The following CHM variants were observed in gnomAD, a reference collection of about 807,000 sequenced individuals.
The protein encoded by CHM is CHM Rab escort protein, also known as rab proteins geranylgeranyltransferase component A 1.
In CHM, 10 loss-of-function variants were observed where a neutral mutation model predicts 49.0. That is an observed-to-expected ratio of 0.20 (90% CI 0.13 to 0.35). The LOEUF is 0.35. CHM is among the 10% of genes least tolerant of loss of function. The pLI is 1.00. For synonymous variants in CHM, 184 were observed against 167.5 expected, an observed-to-expected ratio of 1.10 and a Z score of -0.76; for missense variants, 455 against 478.4, an observed-to-expected ratio of 0.95 and a Z score of 0.46.
intron 9 of CHM, among the ~76,000 whole-genome samples, chrX:85,904,011 A>G (rs1049453904): frequency 1.8e-5 from 2 of 111,737 alleles, no homozygotes; most frequent in African/African-American, 3.3e-5. Context: ...ACTGTCATAT[A>G]TTCAGCATAA....
At chrX:85,892,474 T>G (rs1294949400) in intron 12 of CHM, among the ~76,000 whole-genome samples, 11 of 110,798 alleles carry the variant, frequency 9.9e-5, no homozygotes, top group African/African-American at 3.3e-4. Context: ...TTATCAGGGG[T>G]TTCCGCTTTT....
In CHM at chrX:85,927,932, A is replaced by G. The variant is rs1456561394; in HGVS notation, c.1167-16594T>C. ...ACCCACTAATAGCCGAACTTTTGACAGCACTATTCAAGATGATTTATGAGT... is the reference window on the plus strand; with the variant it reads ...ACCCACTAATAGCCGAACTTTTGACGGCACTATTCAAGATGATTTATGAGT... On this transcript the variant is annotated intron_variant, in intron 8 of 14. Coordinates refer to ENST00000357749, the MANE Select transcript of CHM (RefSeq NM_000390.4). Among the ~76,000 whole-genome samples the G allele has an allele frequency of 3.6e-5, 4 of 112,609 alleles. No individual in the cohort carries two copies. In the Admixed American group the frequency reaches 3.8e-4, roughly 11 times the overall value.
chrX:85,925,974 C>T (rs972708657), intron 8 of CHM, among the ~76,000 whole-genome samples: 2 of 111,094 alleles, frequency 1.8e-5, no homozygotes, highest in African/African-American at 6.5e-5. Context: ...TGCTTTTTCA[C>T]AGGGTCCTTG....
At chrX:85,999,736 A>C (rs1190629389) in intron 2 of CHM, among the ~76,000 whole-genome samples, 1 of 112,217 alleles carries the variant, frequency 8.9e-6, no homozygotes, top group East Asian at 2.8e-4. Context: ...GGCCTCTGAA[A>C]AAAACTAGAG....
At chrX:85,991,900 G>T (rs761281709) in intron 2 of CHM, among the ~76,000 whole-genome samples, 1 of 111,198 alleles carries the variant, frequency 9.0e-6, no homozygotes, top group Non-Finnish European at 1.9e-5. Flanking sequence ...ATTCTCACAA[G>T]AATCCAGAGA....
At chrX:85,974,826 A>G (rs1931161746) in intron 4 of CHM, among the ~76,000 whole-genome samples, 2 of 111,415 alleles carry the variant, frequency 1.8e-5, no homozygotes, top group African/African-American at 6.5e-5. Context: ...CAAAATAATA[A>G]TAATTGATAA....
intron 2 of CHM, among the ~76,000 whole-genome samples, chrX:85,996,973 C>A (rs898102773): frequency 2.7e-5 from 3 of 111,995 alleles, no homozygotes; most frequent in Non-Finnish European, 3.8e-5. Flanking sequence ...CCCTCAACAT[C>A]TGCCCTTTCC....
At chrX:85,934,920 A>G (rs890287414) in intron 8 of CHM, among the ~76,000 whole-genome samples, 1 of 112,043 alleles carries the variant, frequency 8.9e-6, no homozygotes, top group Admixed American at 9.4e-5. Flanking sequence ...TAAAATTGTT[A>G]TGAATGTTTT....
intron 2 of CHM, among the ~76,000 whole-genome samples, chrX:85,985,444 G>T (rs1036776806): frequency 8.9e-6 from 1 of 112,347 alleles, no homozygotes; most frequent in African/African-American, 3.2e-5. Flanking sequence ...GGAGGGGTGG[G>T]CCACCATCTT....
chrX:85,956,932 G>A (rs1026662640), intron 7 of CHM, among the ~76,000 whole-genome samples: 19 of 111,321 alleles, frequency 1.7e-4, no homozygotes, highest in African/African-American at 5.9e-4. Flanking sequence ...TTTAAACCAA[G>A]AACAGAATAT....
Position 86,030,471 on chromosome X carries a change from C to T in CHM, c.50-2914G>A, listed in dbSNP as rs775683287. Among the ~76,000 whole-genome samples, 4 of 110,998 alleles carry T rather than the reference C, an allele frequency of 3.6e-5. No homozygotes were observed. The South Asian group carries it at 1.5e-3, about 42-fold the overall frequency. On this transcript the variant is annotated intron_variant, in intron 1 of 14. Transcript: ENST00000357749. ...GTAGTAGGTTCTCCATAGATATTTG[C>T]TGAAGAAAAGAAAAAGAAAATGGGG...
chrX:85,937,019 C>G (rs1170462028), intron 8 of CHM, among the ~76,000 whole-genome samples: 1 of 111,112 alleles, frequency 9.0e-6, no homozygotes, highest in Non-Finnish European at 1.9e-5. Flanking sequence ...GTAATCCCAG[C>G]ACTTTGGGAG....
chrX:85,868,719 T>A (rs1923868747), intron 14 of CHM, among the ~76,000 whole-genome samples: 1 of 111,565 alleles, frequency 9.0e-6, no homozygotes. Context: ...AGTTCCCCCA[T>A]ATAATCCATC....
chrX:85,943,481 A>G (rs767823411), intron 8 of CHM, among the ~76,000 whole-genome samples: 1 of 111,810 alleles, frequency 8.9e-6, no homozygotes, highest in African/African-American at 3.2e-5. Context: ...AAAATATAGA[A>G]AGTTGAAATA....
rs753830100 is a variant in CHM, at chrX:86,008,408, A to T, written c.116+19083T>A. ...TGTACCCTAGAACTTAAAGTATAAT[A>T]AAAAAAACTGCCATGACACATGTTC... On this transcript the variant is annotated intron_variant, in intron 2 of 14. Coordinates refer to ENST00000357749, the MANE Select transcript of CHM (RefSeq NM_000390.4). 2.5e-4 allele frequency among the ~76,000 whole-genome samples: 27 copies of T among 110,047 alleles called. No individual in the cohort carries two copies. The East Asian group carries it at 7.6e-3, about 31-fold the overall frequency.
At chrX:85,978,996 T>C (rs1931448221) in intron 3 of CHM, 105 bp from the exon 4 acceptor site, 1 of 877,435 alleles carries the variant, frequency 1.1e-6, no homozygotes, top group Non-Finnish European at 1.6e-6. Flanking sequence ...TATTTCATCT[T>C]ACCAAAACTC....
intron 2 of CHM, among the ~76,000 whole-genome samples, chrX:86,008,502 T>C (rs1296625262): frequency 8.9e-6 from 1 of 112,012 alleles, no homozygotes. Flanking sequence ...CTTGTATACA[T>C]GTATTATTTT....
intron 8 of CHM, among the ~76,000 whole-genome samples, chrX:85,943,853 C>A (rs1191054002): frequency 9.0e-6 from 1 of 110,705 alleles, no homozygotes; most frequent in Non-Finnish European, 1.9e-5. Flanking sequence ...GACAACCAGT[C>A]AAAACAATAT....
chrX:85,928,233 T>C (rs1227152583), intron 8 of CHM, among the ~76,000 whole-genome samples: 3 of 112,255 alleles, frequency 2.7e-5, no homozygotes, highest in African/African-American at 9.7e-5. Flanking sequence ...ACATATGCAT[T>C]CGTACTAATT....
Sources: gnomAD v4.1 joint callset for allele counts (sites outside exome capture counted in the v4.1 genomes callset) on GRCh38, gnomAD v4.1.1 for gene constraint, MANE v1.5 for transcripts, NCBI Gene and HGNC (gene_info 2026-07-23, HGNC 2026-07-21) for gene names.